LOXL2: variants seen among roughly 807,000 people sequenced by gnomAD.
The protein encoded by LOXL2 is lysyl oxidase homolog 2.
Under a neutral mutation model 93.0 loss-of-function variants are expected in LOXL2, and 70 were observed. The observed-to-expected ratio is 0.75, with a 90% confidence interval of 0.62 to 0.92. The LOEUF (loss-of-function observed/expected upper bound fraction) is 0.92. Among genes scored for constraint, LOXL2 ranks in the 40% least tolerant of loss-of-function variants. The pLI, the probability that LOXL2 is intolerant of heterozygous loss-of-function variation, is 0.00. For missense variants in LOXL2, 973 were observed against 1,054.9 expected, an observed-to-expected ratio of 0.92 and a Z score of 1.08; for synonymous variants, 438 against 413.2, an observed-to-expected ratio of 1.06 and a Z score of -0.73.
Position 23,297,842 on chromosome 8 carries a change from C to T in LOXL2, c.*201G>A, listed in dbSNP as rs1803061953. ...CACCCCCGCAAGGCCTTCTCAGGCCCCAAGGGTCAGGTAGCAGCCCCCCAT... is the reference window on the plus strand; with the variant it reads ...CACCCCCGCAAGGCCTTCTCAGGCCTCAAGGGTCAGGTAGCAGCCCCCCAT... On this transcript the variant is annotated 3_prime_UTR_variant, in exon 14 of 14. Coordinates refer to ENST00000389131, the MANE Select transcript of LOXL2 (RefSeq NM_002318.3). 2 of 547,654 alleles carry T rather than the reference C, an allele frequency of 3.7e-6. No individual in the cohort carries two copies. The highest frequency in any genetic ancestry group is 6.5e-6 in the Non-Finnish European group (2 of 307,156). 33.9% of individuals were successfully genotyped at this position (547,654 alleles called of 1,614,324 possible).
chr8:23,300,526 G>C (rs909693098), intron 12 of LOXL2, among the ~76,000 whole-genome samples: 2 of 152,192 alleles, frequency 1.3e-5, no homozygotes, highest in African/African-American at 4.8e-5. Flanking sequence ...CTTGTGTCCC[G>C]TGAGTCCCCA....
rs1389805713 is a variant in LOXL2, at chr8:23,322,302, T to C, written c.1151-21A>G. 2.5e-6 allele frequency: 4 copies of C among 1,607,962 alleles called. No individual in the cohort carries two copies. In the African/African-American group the frequency reaches 5.3e-5, roughly 21 times the overall value. On this transcript the variant is annotated intron_variant, in intron 6 of 13. Transcript: ENST00000389131. ...GATCCCTGCAAGGGGAGAATAAACA[T>C]GCTCTATGAAAGCTTTGGAAGGAAA... is the stretch of plus-strand genomic sequence containing the variant.
intron 2 of LOXL2, among the ~76,000 whole-genome samples, chr8:23,366,588 G>C (rs1281279877): frequency 1.3e-5 from 2 of 152,244 alleles, no homozygotes; most frequent in Non-Finnish European, 2.9e-5. Flanking sequence ...GATTATGGTG[G>C]GTTGAGGTCT....
At chr8:23,344,813 C>T (rs1803943063) in intron 3 of LOXL2, among the ~76,000 whole-genome samples, 1 of 152,186 alleles carries the variant, frequency 6.6e-6, no homozygotes, top group South Asian at 2.1e-4. Context: ...ACCATTCGCA[C>T]TCATTCCTTC....
chr8:23,375,769 G>A (rs1804577899), intron 1 of LOXL2, among the ~76,000 whole-genome samples: 1 of 152,066 alleles, frequency 6.6e-6, no homozygotes, highest in African/African-American at 2.4e-5. Context: ...GAATGCTTGT[G>A]ATATTTGCAC....
At position 23,307,953 on chromosome 8, in the gene LOXL2, G is replaced by GGA. The variant is rs58347035; in HGVS notation, c.1880+1714_1880+1715insTC. Among the ~76,000 whole-genome samples the GGA allele has an allele frequency of 7.8e-4, 65 of 83,554 alleles. 12 individuals carry two copies. The highest frequency in any genetic ancestry group is 8.1e-4 in the Non-Finnish European group (38 of 47,080). 54.8% of individuals were successfully genotyped at this position (83,554 alleles called of 152,430 possible). ...GTGACTAGGTCATCAGCTGCGATAT[G>GGA]AAAAAAAAAAAAAAAAAAAAGCCAA... On this transcript the variant is annotated intron_variant, in intron 10 of 13. Transcript: ENST00000389131.
intron 3 of LOXL2, among the ~76,000 whole-genome samples, chr8:23,343,565 G>A (rs1019581355): frequency 6.6e-6 from 1 of 152,186 alleles, no homozygotes; most frequent in Admixed American, 6.5e-5. Flanking sequence ...CCATTCTTTG[G>A]GTGCCCAGGG....
At chr8:23,339,742 G>C (rs920114127) in intron 4 of LOXL2, among the ~76,000 whole-genome samples, 1 of 152,204 alleles carries the variant, frequency 6.6e-6, no homozygotes, top group Non-Finnish European at 1.5e-5. Context: ...AGAGGACGGC[G>C]ACTCCTGGTG....
chr8:23,362,876 A>T (rs918784465), intron 2 of LOXL2, among the ~76,000 whole-genome samples: 2 of 152,166 alleles, frequency 1.3e-5, no homozygotes, highest in African/African-American at 4.8e-5. Flanking sequence ...AACAAATCTA[A>T]ACCTCTCATT....
chr8:23,333,674 C>A, intron 4 of LOXL2, 51 bp from the exon 5 acceptor site: 2 of 1,453,228 alleles, frequency 1.4e-6, no homozygotes, highest in South Asian at 2.4e-5. Context: ...ACGCCTACCC[C>A]GATTCCTTCT....
intron 1 of LOXL2, among the ~76,000 whole-genome samples, chr8:23,372,221 CTTTTT>C (rs71210611): frequency 6.9e-6 from 1 of 145,320 alleles, no homozygotes; most frequent in Non-Finnish European, 1.5e-5. Context: ...ATTTCTTTTT[CTTTTT>C]TTTTTTTGAG....
chr8:23,342,477 G>A (rs1218896179), intron 3 of LOXL2, among the ~76,000 whole-genome samples: 1 of 150,806 alleles, frequency 6.6e-6, no homozygotes, highest in Non-Finnish European at 1.5e-5. Flanking sequence ...TGTCGCCCAG[G>A]CTGGAGTACA....
intron 3 of LOXL2, among the ~76,000 whole-genome samples, chr8:23,344,776 G>C (rs1193526281): frequency 6.6e-6 from 1 of 152,114 alleles, no homozygotes; most frequent in Non-Finnish European, 1.5e-5. Flanking sequence ...CGTGTTCCTT[G>C]CAAGGCCTTA....
intron 1 of LOXL2, among the ~76,000 whole-genome samples, chr8:23,398,332 A>G (rs544459283): frequency 6.6e-6 from 1 of 152,364 alleles, no homozygotes; most frequent in Non-Finnish European, 1.5e-5. Flanking sequence ...CTGTTGCCAC[A>G]GGACATCCAG....
rs1474204076 is a variant in LOXL2 at position 23,402,082 on chromosome 8, ACACATG to A, written c.-84+1866_-84+1871del. Among the ~76,000 whole-genome samples, 5 of 145,928 alleles carry A rather than the reference ACACATG, an allele frequency of 3.4e-5. No homozygotes were observed. The South Asian group carries it at 8.4e-4, about 24-fold the overall frequency. ...AGTGCACAAACGCGCACACACACAT[ACACATG>A]CAAACATGCACACAAACACAAATAC... On this transcript the variant is annotated intron_variant, in intron 1 of 13. Transcript: ENST00000389131.
chr8:23,340,665 A>G (rs1223281831), intron 4 of LOXL2, among the ~76,000 whole-genome samples: 1 of 152,150 alleles, frequency 6.6e-6, no homozygotes, highest in Non-Finnish European at 1.5e-5. Context: ...GCAGTCCCTG[A>G]GCTGGCCGGC....
Position 23,404,107 on chromosome 8 carries a change from C to G in LOXL2, c.-237G>C, listed in dbSNP as rs1376620295. 7 of 199,624 alleles carry G rather than the reference C, an allele frequency of 3.5e-5. No homozygotes were observed. Among genetic ancestry groups the G allele is most frequent in the Non-Finnish European group, 2.2e-5 (2 of 92,294 alleles). The allele number at this position is 199,624 out of a possible 1,614,324, so 12.4% of individuals were successfully genotyped here. ...AGCAAGCACCAAGCGTAGGTAGCCG[C>G]GCGCTGGAGTCGCGCGTTTACTCTT... On this transcript the variant is annotated 5_prime_UTR_variant, in exon 1 of 14. Coordinates refer to ENST00000389131, the MANE Select transcript of LOXL2 (RefSeq NM_002318.3).
At chr8:23,346,842 A>G (rs10866824) in intron 3 of LOXL2, among the ~76,000 whole-genome samples, 61,767 of 151,940 alleles carry the variant, frequency 0.41, 13,411 homozygotes, top group African/African-American at 0.57. Context: ...AGTCATCCTG[A>G]GGGTGAGGAG....
At chr8:23,319,663 C>T (rs977098687) in intron 8 of LOXL2, among the ~76,000 whole-genome samples, 1 of 152,100 alleles carries the variant, frequency 6.6e-6, no homozygotes, top group African/African-American at 2.4e-5. Context: ...GTTCTGCAGC[C>T]GAGAAATAGA....
Sources: gnomAD v4.1 joint callset for allele counts (sites outside exome capture counted in the v4.1 genomes callset) on GRCh38, gnomAD v4.1.1 for gene constraint, MANE v1.5 for transcripts, NCBI Gene and HGNC (gene_info 2026-07-23, HGNC 2026-07-21) for gene names.